Variants in TMEM131L observed in about 807,000 individuals in gnomAD.
The protein encoded by TMEM131L is transmembrane 131 like, also known as transmembrane protein 131-like.
A neutral mutation model predicts 192.2 loss-of-function variants in TMEM131L; 54 were observed. That is an observed-to-expected ratio of 0.28 (90% CI 0.23 to 0.35). The LOEUF (loss-of-function observed/expected upper bound fraction) is 0.35, where lower values mean the gene tolerates loss of function less well. Ranked by LOEUF, TMEM131L falls within the 10% of genes least tolerant of loss-of-function variation. The pLI is 1.00. For missense variants in TMEM131L, 1,888 were observed against 1,972.9 expected (o/e 0.96, Z 0.82); for synonymous variants, 701 against 704.9 (o/e 0.99, Z 0.09).
rs756418768 is a variant in TMEM131L at position 153,586,395 on chromosome 4, C to T, written c.1482+16C>T. 1 of 1,554,528 alleles carries T rather than the reference C, an allele frequency of 6.4e-7. No homozygotes were observed. The highest frequency in any genetic ancestry group is 2.0e-5 in the Admixed American group (1 of 49,622). ...ACCAACCAAGGTATTTTCTACAATA[C>T]TATATGTGTGTTACAGTTTTCTTAA... On this transcript the variant is annotated intron_variant, in intron 14 of 34. Transcript: ENST00000409959.
chr4:153,506,556 A>T (rs1046220508), intron 3 of TMEM131L, among the ~76,000 whole-genome samples: 2 of 152,044 alleles, frequency 1.3e-5, no homozygotes, highest in Non-Finnish European at 2.9e-5. Context: ...GATACTAAGT[A>T]TTTACGCCGG....
intron 7 of TMEM131L, among the ~76,000 whole-genome samples, chr4:153,560,284 G>A (rs1480835100): frequency 2.6e-5 from 4 of 152,176 alleles, no homozygotes; most frequent in Non-Finnish European, 5.9e-5. Flanking sequence ...CCTCACCTGG[G>A]AAGCAGTGGT....
intron 3 of TMEM131L, among the ~76,000 whole-genome samples, chr4:153,484,210 AT>A (rs753733038): frequency 1.1e-4 from 17 of 152,054 alleles, no homozygotes; most frequent in Non-Finnish European, 2.2e-4. Flanking sequence ...GTAAATAGTA[AT>A]TTTCCCCCCA....
chr4:153,514,147 C>G (rs530494590), intron 3 of TMEM131L, among the ~76,000 whole-genome samples: 1 of 152,136 alleles, frequency 6.6e-6, no homozygotes, highest in Non-Finnish European at 1.5e-5. Context: ...CCTGGGTGAC[C>G]GTAGCCAATT....
chr4:153,592,653 C>T, intron 18 of TMEM131L, 69 bp downstream of exon 18: 1 of 1,061,286 alleles, frequency 9.4e-7, no homozygotes, highest in Non-Finnish European at 1.5e-6. Context: ...ACTTAATGTC[C>T]TACACTTTTT....
intron 19 of TMEM131L, among the ~76,000 whole-genome samples, chr4:153,595,796 C>T (rs1201729706): frequency 6.6e-6 from 1 of 150,746 alleles, no homozygotes; most frequent in African/African-American, 2.4e-5. Flanking sequence ...ACTGGAGATA[C>T]TAAATATAAT....
rs72729660 is a variant in TMEM131L at position 153,468,432 on chromosome 4, A to G, written c.195+1151A>G. On this transcript the variant is annotated intron_variant, in intron 2 of 34. Coordinates refer to ENST00000409959, the MANE Select transcript of TMEM131L (RefSeq NM_001131007.2). The stretch of plus-strand genomic sequence containing the variant: ...TTCCTTCTCCTAAAAATTTATTCCC[A>G]AATGGATTTTTTCCCCGATTTTAAA... Among the ~76,000 whole-genome samples, 784 of 149,222 alleles carry G rather than the reference A, an allele frequency of 5.3e-3. 6 individuals carry two copies. Among genetic ancestry groups the G allele is most frequent in the Admixed American group, 7.1e-3 (108 of 15,108 alleles).
intron 14 of TMEM131L, 90 bp downstream of exon 14, chr4:153,586,469 G>T: frequency 1.1e-6 from 1 of 940,132 alleles, no homozygotes; most frequent in Non-Finnish European, 1.5e-6. Context: ...TATTAACTGG[G>T]TTAAGCTCAC....
At chr4:153,617,928 T>A (rs1733109540) in intron 26 of TMEM131L, among the ~76,000 whole-genome samples, 1 of 152,174 alleles carries the variant, frequency 6.6e-6, no homozygotes, top group Non-Finnish European at 1.5e-5. Context: ...TGCCCATTTT[T>A]CTTTTGAATG....
chr4:153,624,671 C>T (rs574778949), intron 29 of TMEM131L, among the ~76,000 whole-genome samples: 5 of 152,260 alleles, frequency 3.3e-5, no homozygotes, highest in African/African-American at 9.6e-5. Flanking sequence ...AGAGGATGCC[C>T]GAATCCTTTG....
chr4:153,475,845 A>G (rs1472090042), intron 3 of TMEM131L, among the ~76,000 whole-genome samples: 1 of 152,216 alleles, frequency 6.6e-6, no homozygotes, highest in African/African-American at 2.4e-5. Context: ...TTATATGCAA[A>G]TACTATATAC....
intron 3 of TMEM131L, among the ~76,000 whole-genome samples, chr4:153,543,967 G>T (rs1736982921): frequency 6.6e-6 from 1 of 151,392 alleles, no homozygotes; most frequent in African/African-American, 2.5e-5. Context: ...GGTTACCGTG[G>T]TCTACTTAGT....
rs760320148 is a variant in TMEM131L, at chr4:153,636,387, T to C, written c.4644T>C (p.Asn1548=). The change falls in exon 35 of 35, where the codon AAT becomes AAC. Residue 1548 remains asparagine (N), a synonymous_variant. Coordinates refer to ENST00000409959, the MANE Select transcript of TMEM131L (RefSeq NM_001131007.2). ...IWAPQSDVYE[N]CCPINPTTEH... is the part of the protein sequence containing the mutation. ...CCCCGCAAAGCGATGTGTATGAAAATTGCTGCCCCATCAACCCCACCACGG... is the reference window on the plus strand; with the variant it reads ...CCCCGCAAAGCGATGTGTATGAAAACTGCTGCCCCATCAACCCCACCACGG... The C allele has an allele frequency of 1.2e-6, 2 of 1,614,126 alleles. No homozygotes were observed. The highest frequency in any genetic ancestry group is 1.7e-6 in the Non-Finnish European group (2 of 1,180,016).
chr4:153,550,461 G>C (rs905502554), intron 4 of TMEM131L, among the ~76,000 whole-genome samples: 1 of 151,998 alleles, frequency 6.6e-6, no homozygotes, highest in African/African-American at 2.4e-5. Context: ...CGAGTAGCTG[G>C]GACTACAGGC....
intron 25 of TMEM131L, 123 bp downstream of exon 25, chr4:153,604,553 A>T (rs893621614): frequency 1.0e-6 from 1 of 1,004,074 alleles, no homozygotes; most frequent in Non-Finnish European, 1.5e-6. Context: ...AAAGGTTTAA[A>T]TATTGAAAAA....
At chr4:153,469,776 A>C (rs187444024) in intron 2 of TMEM131L, among the ~76,000 whole-genome samples, 17 of 152,202 alleles carry the variant, frequency 1.1e-4, no homozygotes, top group Admixed American at 3.3e-4. Flanking sequence ...AAAATGCAAA[A>C]TTAGCCGGGC....
intron 3 of TMEM131L, among the ~76,000 whole-genome samples, chr4:153,492,459 T>G (rs1338080308): frequency 1.3e-5 from 2 of 152,268 alleles, no homozygotes; most frequent in African/African-American, 2.4e-5. Context: ...CTTATTAATA[T>G]GCACAAAACT....
intron 3 of TMEM131L, among the ~76,000 whole-genome samples, chr4:153,495,652 A>T (rs140965266): frequency 6.6e-6 from 1 of 152,170 alleles, no homozygotes. Context: ...GAGCAGAGGG[A>T]TGACTTTCTG....
At position 153,467,290 on chromosome 4, in the gene TMEM131L, G is replaced by A; in HGVS notation, c.195+9G>A. 1 of 1,551,004 alleles carries A rather than the reference G, an allele frequency of 6.4e-7. No homozygotes were observed. Among genetic ancestry groups the A allele is most frequent in the Non-Finnish European group, 8.7e-7 (1 of 1,146,372 alleles). The stretch of plus-strand genomic sequence containing the variant: ...TCCTGCTGCCCACTCAGGTGAGGAC[G>A]ACCAGGTGACAGGGCGGCTGTGGGT... On this transcript the variant is annotated intron_variant, in intron 2 of 34. Coordinates refer to ENST00000409959, the MANE Select transcript of TMEM131L (RefSeq NM_001131007.2).
Sources: allele counts gnomAD v4.1 joint callset (sites outside exome capture counted in the v4.1 genomes callset), GRCh38; gene constraint gnomAD v4.1.1; transcripts MANE v1.5; gene names NCBI Gene and HGNC (gene_info 2026-07-23, HGNC 2026-07-21).